Variants in TULP4 observed in about 807,000 individuals in gnomAD.
TULP4 encodes tubby-related protein 4.
TULP4 carries 16 observed loss-of-function variants against 129.0 expected under a neutral mutation model. The ratio of observed to expected loss-of-function variants is 0.12; its 90% CI spans 0.08 to 0.19. TULP4 has a LOEUF of 0.19. TULP4 is among the 10% of genes least tolerant of loss of function. The pLI, the probability that TULP4 is intolerant of heterozygous loss-of-function variation, is 1.00. For synonymous variants in TULP4, 998 were observed against 854.0 expected, an observed-to-expected ratio of 1.17 and a Z score of -2.94; for missense variants, 1,842 against 2,059.1, an observed-to-expected ratio of 0.89 and a Z score of 2.04.
intron 1 of TULP4, among the ~76,000 whole-genome samples, chr6:158,359,367 A>C (rs1780715365): frequency 6.6e-6 from 1 of 152,198 alleles, no homozygotes; most frequent in African/African-American, 2.4e-5. Flanking sequence ...GGACAGATGT[A>C]TGTTAAAGGA....
chr6:158,453,295 A>T (rs1173413953), intron 5 of TULP4, among the ~76,000 whole-genome samples: 1 of 151,586 alleles, frequency 6.6e-6, no homozygotes, highest in Non-Finnish European at 1.5e-5. Flanking sequence ...GTGAAACCCC[A>T]TCTCTACTAA....
intron 2 of TULP4, among the ~76,000 whole-genome samples, chr6:158,422,919 C>T (rs916757772): frequency 2.6e-5 from 4 of 152,236 alleles, no homozygotes; most frequent in East Asian, 1.9e-4. Context: ...GGCCGGAAGG[C>T]GCCCGAATCG....
chr6:158,412,376 C>G (rs1266892763), intron 1 of TULP4, among the ~76,000 whole-genome samples: 1 of 152,166 alleles, frequency 6.6e-6, no homozygotes, highest in Non-Finnish European at 1.5e-5. Context: ...TTCCCTCAGA[C>G]TCCTCCGGCA....
chr6:158,287,150 C>T (rs1178161377), intron 1 of TULP4, among the ~76,000 whole-genome samples: 1 of 152,062 alleles, frequency 6.6e-6, no homozygotes, highest in Non-Finnish European at 1.5e-5. Flanking sequence ...GAGGAGAGGC[C>T]AACCTGGAGT....
chr6:158,311,072 A>G (rs1310153726), upstream of TULP4, among the ~76,000 whole-genome samples: 1 of 152,128 alleles, frequency 6.6e-6, no homozygotes. Context: ...CACCATGGGT[A>G]CAAATGTGAA....
At chr6:158,448,858 C>T in intron 3 of TULP4, 138 bp from the exon 4 acceptor site, 1 of 798,062 alleles carries the variant, frequency 1.3e-6, no homozygotes, top group Non-Finnish European at 1.9e-6. Flanking sequence ...CATTTTGTGT[C>T]ACTGTGCTGT....
chr6:158,377,379 C>A (rs889461405), intron 1 of TULP4, among the ~76,000 whole-genome samples: 1 of 152,200 alleles, frequency 6.6e-6, no homozygotes, highest in African/African-American at 2.4e-5. Flanking sequence ...AGGAGTATTA[C>A]ATGAGGAAGA....
At chr6:158,479,488 C>T (rs917863642) in intron 6 of TULP4, among the ~76,000 whole-genome samples, 1 of 152,212 alleles carries the variant, frequency 6.6e-6, no homozygotes, top group Middle Eastern at 3.4e-3. Flanking sequence ...GGTCTTTCAG[C>T]CTGGCCTCAT....
chr6:158,307,744 G>C (rs1779242330), upstream of TULP4, among the ~76,000 whole-genome samples: 1 of 152,094 alleles, frequency 6.6e-6, no homozygotes, highest in Non-Finnish European at 1.5e-5. Flanking sequence ...GCCTCCCAAA[G>C]TCTTGTACCT....
At chr6:158,482,551 G>A (rs1779971714) in intron 8 of TULP4, among the ~76,000 whole-genome samples, 2 of 152,228 alleles carry the variant, frequency 1.3e-5, no homozygotes, top group African/African-American at 4.8e-5. Flanking sequence ...GGAAGGCACA[G>A]TGGGAAAAGC....
intron 11 of TULP4, among the ~76,000 whole-genome samples, chr6:158,497,566 G>T (rs528630975): frequency 4.1e-4 from 62 of 152,224 alleles, no homozygotes; most frequent in Non-Finnish European, 7.9e-4. Flanking sequence ...ATCCCTCCTA[G>T]AATTTTTTTA....
chr6:158,378,573 C>G (rs559903114), intron 1 of TULP4, among the ~76,000 whole-genome samples: 16 of 150,764 alleles, frequency 1.1e-4, no homozygotes, highest in African/African-American at 3.9e-4. Context: ...CAACCTCTCC[C>G]CCACCTCTCC....
In TULP4 at chr6:158,510,354, G is replaced by A. The variant is rs770482296; in HGVS notation, c.*3660G>A. ...GTCTGCAAACCCCAGGGTCAAGCCT[G>A]CTCTGCCACAGGGTTGGATGGTGAC... On this transcript the variant is annotated 3_prime_UTR_variant, in exon 14 of 14. Coordinates refer to ENST00000367097, the MANE Select transcript of TULP4 (RefSeq NM_020245.5). The A allele has an allele frequency of 6.6e-6, 1 of 152,242 alleles. No individual in the cohort carries two copies. Among genetic ancestry groups the A allele is most frequent in the Non-Finnish European group, 1.5e-5 (1 of 68,040 alleles). The allele number at this position is 152,242 out of a possible 1,614,324, so 9.4% of individuals were successfully genotyped here. A position where few individuals can be genotyped will look rare whatever the true frequency, so the allele number is the denominator to read the frequency against.
intron 1 of TULP4, among the ~76,000 whole-genome samples, chr6:158,263,617 G>T (rs769895382): frequency 6.6e-6 from 1 of 152,154 alleles, no homozygotes; most frequent in Non-Finnish European, 1.5e-5. Context: ...TTAGCTGGGC[G>T]TGATGGGATG....
In TULP4 at chr6:158,507,580, G is replaced by C. The variant is rs1223113860; in HGVS notation, c.*886G>C. 6.6e-6 allele frequency: 1 copy of C among 152,228 alleles called. No individual in the cohort carries two copies. The highest frequency in any genetic ancestry group is 1.5e-5 in the Non-Finnish European group (1 of 68,042). 9.4% of individuals were successfully genotyped at this position (152,228 alleles called of 1,614,324 possible). ...AATGGAAAGATCCTGGCCTGTGGTA[G>C]TGGTAGCAGTTTTCTCAAATAATGT... On this transcript the variant is annotated 3_prime_UTR_variant, in exon 14 of 14. Transcript: ENST00000367097.
At chr6:158,469,455 G>T (rs917082701) in intron 6 of TULP4, among the ~76,000 whole-genome samples, 1 of 151,782 alleles carries the variant, frequency 6.6e-6, no homozygotes, top group Non-Finnish European at 1.5e-5. Flanking sequence ...GTATTTTTTG[G>T]TAGAGACAGC....
At chr6:158,340,276 T>C (rs1273556255) in intron 1 of TULP4, among the ~76,000 whole-genome samples, 2 of 152,210 alleles carry the variant, frequency 1.3e-5, no homozygotes, top group Non-Finnish European at 1.5e-5. Context: ...AATAGTAGTA[T>C]AGACATGCAA....
chr6:158,295,900 AAAG>A (rs1779021247), intron 1 of TULP4, among the ~76,000 whole-genome samples: 1 of 152,192 alleles, frequency 6.6e-6, no homozygotes, highest in South Asian at 2.1e-4. Flanking sequence ...CAAAAGAAAA[AAAG>A]AAATATGGCC....
chr6:158,505,690 G>A (rs1463249083), intron 13 of TULP4, among the ~76,000 whole-genome samples: 1 of 152,180 alleles, frequency 6.6e-6, no homozygotes, highest in Non-Finnish European at 1.5e-5. Context: ...ACAGGAACTG[G>A]TGAGGAAGTG....
Sources: gnomAD v4.1 joint callset for allele counts (sites outside exome capture counted in the v4.1 genomes callset) on GRCh38, gnomAD v4.1.1 for gene constraint, MANE v1.5 for transcripts, NCBI Gene and HGNC (gene_info 2026-07-23, HGNC 2026-07-21) for gene names.